The following CEP131 variants were observed in gnomAD, a reference collection of about 807,000 sequenced individuals.
CEP131 encodes centrosomal protein of 131 kDa.
In CEP131, 99 loss-of-function variants were observed where a neutral mutation model predicts 136.8. The ratio of observed to expected loss-of-function variants is 0.72; its 90% CI spans 0.62 to 0.86. The LOEUF (loss-of-function observed/expected upper bound fraction) is 0.86, where lower values mean the gene tolerates loss of function less well. Among genes scored for constraint, CEP131 ranks in the 40% least tolerant of loss-of-function variants. CEP131 has a pLI of 0.00. For synonymous variants in CEP131, 646 were observed against 612.7 expected (o/e 1.05, Z -0.80); for missense variants, 1,459 against 1,463.0 (o/e 1.00, Z 0.04).
At position 81,215,325 on chromosome 17, in the gene CEP131, G is replaced by A. The variant is rs1217077306; in HGVS notation, c.177+4555C>T. Among the ~76,000 whole-genome samples, 2 of 151,792 alleles carry A rather than the reference G, an allele frequency of 1.3e-5. No individual in the cohort carries two copies. The highest frequency in any genetic ancestry group is 2.9e-5 in the Non-Finnish European group (2 of 67,956). ...TTGCCCAGGCTGGTCTCAAACTCCT[G>A]GCCTCAAGTGATCCTCCCACCGCAG... On this transcript the variant is annotated intron_variant, in intron 2 of 25. Coordinates refer to ENST00000450824, the MANE Select transcript of CEP131 (RefSeq NM_014984.4). This position sits in a 1 kb window ranked among gnomAD's most constrained non-coding sequence, Gnocchi z 4.1.
At chr17:81,205,336 G>GGGGTAGGAGGGGCGGCAAGAGCGT (rs2061979863) in intron 5 of CEP131, among the ~76,000 whole-genome samples, 1 of 144,768 alleles carries the variant, frequency 6.9e-6, no homozygotes, top group Admixed American at 6.8e-5. Context: ...GCAGGCGCCA[G>GGGGTAGGAGGGGCGGCAAGAGCGT]GGGTAGGAGG....
intron 13 of CEP131, 44 bp from the exon 14 acceptor site, chr17:81,197,099 G>A: frequency 6.4e-7 from 1 of 1,559,518 alleles, no homozygotes; most frequent in Non-Finnish European, 8.7e-7. Flanking sequence ...CAGAGGACGG[G>A]GGGCAGCCAA....
rs539220992 is a variant in CEP131, at chr17:81,189,675, G to C, written c.*94C>G. 87 of 1,302,454 alleles carry C rather than the reference G, an allele frequency of 6.7e-5. 1 individual carries two copies. The East Asian group carries it at 2.1e-3, about 31-fold the overall frequency. 80.7% of individuals were successfully genotyped at this position (1,302,454 alleles called of 1,614,324 possible). ...GGGCATCTCAACCACCAGCCTCTGT[G>C]GGGGGCAGGTGGGCGTCCCTGTGGG... On this transcript the variant is annotated 3_prime_UTR_variant, in exon 26 of 26. Transcript: ENST00000450824.
At chr17:81,201,694 G>A (rs1379115356) in intron 7 of CEP131, among the ~76,000 whole-genome samples, 2 of 152,180 alleles carry the variant, frequency 1.3e-5, no homozygotes, top group African/African-American at 4.8e-5. Context: ...ACTGCCCCTG[G>A]AGGAGCCCTC....
At chr17:81,210,166 C>G (rs927955757) in intron 2 of CEP131, among the ~76,000 whole-genome samples, 1 of 150,824 alleles carries the variant, frequency 6.6e-6, no homozygotes, top group Non-Finnish European at 1.5e-5. Context: ...CCTTACGCTA[C>G]GCTCCCTGAC....
Position 81,203,517 on chromosome 17 carries a change from G to A in CEP131, c.606C>T (p.Ser202=). 6.2e-7 allele frequency: 1 copy of A among 1,607,026 alleles called. No individual in the cohort carries two copies. The highest frequency in any genetic ancestry group is 1.1e-5 in the South Asian group (1 of 89,642). ...PSERAPPLKS[S]NQTAPSLNNI... ...ACTTGAGGGAGGGGGCAGTCTGGTTGGAGCTCTTGAGCGGAGGCGCCCTCT... is the reference window on the plus strand; with the variant it reads ...ACTTGAGGGAGGGGGCAGTCTGGTTAGAGCTCTTGAGCGGAGGCGCCCTCT... Residue 202 remains serine (S), a synonymous_variant, in exon 6 of 26, where the codon TCC becomes TCT. Coordinates refer to ENST00000450824, the MANE Select transcript of CEP131 (RefSeq NM_014984.4). This position sits in a 1 kb window ranked among gnomAD's most constrained non-coding sequence, Gnocchi z 4.6.
At chr17:81,221,172 G>A (rs984737883) in intron 1 of CEP131, among the ~76,000 whole-genome samples, 1 of 145,382 alleles carries the variant, frequency 6.9e-6, no homozygotes. Context: ...GTGAGGTCCA[G>A]ACAAGATGCT....
chr17:81,199,693 C>T (rs1413019155), intron 9 of CEP131, 26 bp downstream of exon 9: 3 of 1,604,966 alleles, frequency 1.9e-6, no homozygotes, highest in Non-Finnish European at 2.5e-6. Context: ...CACGGTGCTG[C>T]TCAGTGGTCC....
Position 81,197,767 on chromosome 17 carries a change from C to A in CEP131, c.1592G>T (p.Ser531Ile), listed in dbSNP as rs2061796524. ...AGACTTCTCCATCTCGTCCAAGAAG[C>A]TCATGATGCTTTGTAGCTTGGCCTC... ...LSEAKLQSIM[S>I]FLDEMEKSGQ... Residue 531 changes from serine (S) to isoleucine (I), a missense_variant, in exon 13 of 26, where the codon AGC becomes ATC. Ser to Ile is a moderately radical substitution (Grantham distance 142). Transcript: ENST00000450824. 1 of 1,613,152 alleles carries A rather than the reference C, an allele frequency of 6.2e-7. No homozygotes were observed. Among genetic ancestry groups the A allele is most frequent in the Middle Eastern group, 1.7e-4 (1 of 6,060 alleles).
rs1038619870 is a variant in CEP131, at chr17:81,190,896, C to T, written c.2943+11G>A. The T allele has an allele frequency of 1.5e-5, 24 of 1,598,966 alleles. No individual in the cohort carries two copies. The highest frequency in any genetic ancestry group is 1.7e-4 in the Middle Eastern group (1 of 5,980). On this transcript the variant is annotated intron_variant, in intron 23 of 25. Transcript: ENST00000450824. ...GGGTGCCCACTGCCCACCTGACACC[C>T]GCCCACTCACCGCCTGCGCATCCTC...
chr17:81,192,224 AC>A, intron 21 of CEP131, 93 bp downstream of exon 21: 1 of 1,232,766 alleles, frequency 8.1e-7, no homozygotes. Context: ...CCAGGATGCC[AC>A]AGCAGCAGCA....
chr17:81,196,036 A>T, intron 15 of CEP131, 85 bp from the exon 16 acceptor site: 2 of 1,159,370 alleles, frequency 1.7e-6, no homozygotes, highest in Non-Finnish European at 2.5e-6. Flanking sequence ...CCAGCCTCCG[A>T]GGGAGGCTAA....
rs959014083 is a variant in CEP131 at position 81,215,771 on chromosome 17, A to G, written c.177+4109T>C. On this transcript the variant is annotated intron_variant, in intron 2 of 25. Coordinates refer to ENST00000450824, the MANE Select transcript of CEP131 (RefSeq NM_014984.4). This position sits in a 1 kb window ranked among gnomAD's most constrained non-coding sequence, Gnocchi z 4.1. ...ACCCAGTAGTTATCCTTTAGGATTT[A>G]TTCTACAGGCGTATTTACATGTATG... is the stretch of plus-strand genomic sequence containing the variant. Among the ~76,000 whole-genome samples, 4 of 152,182 alleles carry G rather than the reference A, an allele frequency of 2.6e-5. No homozygotes were observed. The highest frequency in any genetic ancestry group is 9.7e-5 in the African/African-American group (4 of 41,446).
chr17:81,212,822 C>T (rs920067358), intron 2 of CEP131, among the ~76,000 whole-genome samples: 1 of 152,168 alleles, frequency 6.6e-6, no homozygotes, highest in Non-Finnish European at 1.5e-5. Flanking sequence ...GGACGCACAA[C>T]ACCAATGGTT....
intron 2 of CEP131, among the ~76,000 whole-genome samples, chr17:81,217,508 T>C (rs1482178072): frequency 6.6e-6 from 1 of 151,422 alleles, no homozygotes; most frequent in Non-Finnish European, 1.5e-5. Context: ...TGAGACTGAG[T>C]GGTAGCAGGG....
At position 81,202,497 on chromosome 17, in the gene CEP131, C is replaced by T. The variant is rs569177054; in HGVS notation, c.630-99G>A. 72 of 1,427,322 alleles carry T rather than the reference C, an allele frequency of 5.0e-5. No homozygotes were observed. In the East Asian group the frequency reaches 1.7e-3, roughly 33 times the overall value. The allele number at this position is 1,427,322 out of a possible 1,614,324, so 88.4% of individuals were successfully genotyped here. A position where few individuals can be genotyped will look rare whatever the true frequency, so the allele number is the denominator to read the frequency against. On this transcript the variant is annotated intron_variant, in intron 6 of 25. Transcript: ENST00000450824. Reference sequence around the variant, plus strand: ...ACTCCCGGAAGTCCCAGGACTGAGCCTGGAAGTGGTGCTGGCAGGCTGGCA... The same window carrying T: ...ACTCCCGGAAGTCCCAGGACTGAGCTTGGAAGTGGTGCTGGCAGGCTGGCA...
In CEP131 at chr17:81,197,802, C is replaced by T. The variant is rs1004315876; in HGVS notation, c.1557G>A (p.Thr519=). 8 of 1,613,194 alleles carry T rather than the reference C, an allele frequency of 5.0e-6. No homozygotes were observed. The highest frequency in any genetic ancestry group is 5.9e-6 in the Non-Finnish European group (7 of 1,179,964). Residue 519 remains threonine, a synonymous_variant, in exon 13 of 26, where the codon ACG becomes ACA. Coordinates refer to ENST00000450824, the MANE Select transcript of CEP131 (RefSeq NM_014984.4). ...SAFPEPPEDG[T]LLSEAKLQSI... ...TTTGTAGCTTGGCCTCCGATAGCAG[C>T]GTCCCATCCTCAGGAGGTTCGGGGA...
At chr17:81,195,466 G>C in intron 16 of CEP131, among the ~76,000 whole-genome samples, 1 of 152,236 alleles carries the variant, frequency 6.6e-6, no homozygotes, top group East Asian at 1.9e-4. Flanking sequence ...GGGGCGGGGA[G>C]TCAATGCTCC....
chr17:81,213,920 G>T (rs78248823), intron 2 of CEP131, among the ~76,000 whole-genome samples: 5,772 of 152,182 alleles, frequency 0.038, 149 homozygotes, highest in African/African-American at 0.074. Flanking sequence ...ATCAGGCAAG[G>T]GCCAACAGGG....
Sources: gnomAD v4.1 joint callset for allele counts (sites outside exome capture counted in the v4.1 genomes callset) on GRCh38, gnomAD v4.1.1 for gene constraint, Gnocchi (gnomAD v3.1) non-coding constraint, MANE v1.5 for transcripts, NCBI Gene and HGNC (gene_info 2026-07-23, HGNC 2026-07-21) for gene names.